PTPRD: variants seen among roughly 807,000 people sequenced by gnomAD.
PTPRD encodes the protein protein tyrosine phosphatase receptor type D.
Under a neutral mutation model 214.5 loss-of-function variants are expected in PTPRD, and 34 were observed. The observed-to-expected ratio is 0.16, with a 90% CI of 0.12 to 0.21. The LOEUF (loss-of-function observed/expected upper bound fraction) is 0.21, where lower values mean the gene tolerates loss of function less well. Ranked by LOEUF, PTPRD falls within the 10% of genes least tolerant of loss-of-function variation. The pLI is 1.00. For missense variants in PTPRD, 2,545 were observed against 2,398.7 expected (o/e 1.06, Z -1.27); for synonymous variants, 1,128 against 845.7 (o/e 1.33, Z -5.79).
intron 4 of PTPRD, among the ~76,000 whole-genome samples, chr9:10,016,744 A>G (rs1254313672): frequency 6.6e-6 from 1 of 151,022 alleles, no homozygotes; most frequent in East Asian, 2.0e-4. Context: ...GGCTCACTGC[A>G]TCCTCGATCT....
chr9:8,659,782 C>T (rs1037532600), intron 12 of PTPRD, among the ~76,000 whole-genome samples: 11 of 152,118 alleles, frequency 7.2e-5, no homozygotes, highest in African/African-American at 2.7e-4. Flanking sequence ...AAATTTTCTA[C>T]CTATGGTTTT....
At chr9:9,247,196 G>A (rs1216507308) in intron 9 of PTPRD, among the ~76,000 whole-genome samples, 1 of 151,996 alleles carries the variant, frequency 6.6e-6, no homozygotes, top group Non-Finnish European at 1.5e-5. Flanking sequence ...CATTCCAGAA[G>A]GGGTCCTTCC....
At chr9:9,887,456 T>C (rs549358074) in intron 5 of PTPRD, among the ~76,000 whole-genome samples, 3 of 152,238 alleles carry the variant, frequency 2.0e-5, no homozygotes, top group Admixed American at 2.0e-4. Flanking sequence ...TAAAAAAACA[T>C]GATGCATAAT....
Position 8,484,195 on chromosome 9 carries a change from C to T in PTPRD, c.3337G>A (p.Ala1113Thr), listed in dbSNP as rs2096950177. 1.2e-6 allele frequency: 2 copies of T among 1,614,160 alleles called. No homozygotes were observed. Among genetic ancestry groups the T allele is most frequent in the Non-Finnish European group, 1.7e-6 (2 of 1,180,030 alleles). Residue 1113 changes from alanine to threonine, a missense_variant, in exon 30 of 46, where the codon GCC (alanine) becomes ACC (threonine). Coordinates refer to ENST00000381196, the MANE Select transcript of PTPRD (RefSeq NM_002839.4). ...TCCAAGTTGGTCTTCCCAATGAAGG[C>T]AGGCTTGGTACGTAATACATCTGGT... ...TAPDVLRTKP[A>T]FIGKTNLDGM...
intron 8 of PTPRD, among the ~76,000 whole-genome samples, chr9:9,440,835 A>G (rs1345223703): frequency 1.3e-5 from 2 of 152,188 alleles, no homozygotes; most frequent in Admixed American, 6.5e-5. Context: ...ATGATTCATG[A>G]TTATGTTTAG....
At chr9:8,534,695 C>G (rs1056451487) in intron 14 of PTPRD, among the ~76,000 whole-genome samples, 4 of 151,372 alleles carry the variant, frequency 2.6e-5, no homozygotes, top group African/African-American at 9.7e-5. Flanking sequence ...CATATATGGA[C>G]TTTTTCACGT....
rs1403105128 is a variant in PTPRD, at chr9:10,593,243, C to T, written c.-600+19155G>A. On this transcript the variant is annotated intron_variant, in intron 2 of 45. Coordinates refer to ENST00000381196, the MANE Select transcript of PTPRD (RefSeq NM_002839.4). ...TGTTAAATAATGGCGATAATTCAAACAGTCTGGGGTCAGGCCTGAGCTTTT... is the reference window on the plus strand; with the variant it reads ...TGTTAAATAATGGCGATAATTCAAATAGTCTGGGGTCAGGCCTGAGCTTTT... Among the ~76,000 whole-genome samples the T allele has an allele frequency of 3.9e-5, 6 of 152,090 alleles. No individual in the cohort carries two copies. In the East Asian group the frequency reaches 1.2e-3, roughly 30 times the overall value.
At chr9:8,756,967 CCT>C (rs2094036319) in intron 11 of PTPRD, among the ~76,000 whole-genome samples, 1 of 151,894 alleles carries the variant, frequency 6.6e-6, no homozygotes, top group Non-Finnish European at 1.5e-5. Context: ...GTGGTGAAAC[CCT>C]GTCTCTACTA....
intron 11 of PTPRD, among the ~76,000 whole-genome samples, chr9:8,946,656 C>G (rs946369977): frequency 6.6e-6 from 1 of 152,054 alleles, no homozygotes; most frequent in African/African-American, 2.4e-5. Flanking sequence ...GGGCCAAGGA[C>G]CAGGGAGTGC....
chr9:10,461,543 A>T (rs897923975), intron 2 of PTPRD, among the ~76,000 whole-genome samples: 3 of 151,970 alleles, frequency 2.0e-5, no homozygotes, highest in African/African-American at 7.2e-5. Context: ...ATATGAATGG[A>T]CCTAGAGGAT....
intron 17 of PTPRD, among the ~76,000 whole-genome samples, chr9:8,525,375 G>C (rs1253026897): frequency 3.3e-5 from 5 of 151,998 alleles, no homozygotes; most frequent in Non-Finnish European, 5.9e-5. Flanking sequence ...TAAAACAAAA[G>C]ATTAATTTTT....
At chr9:10,066,722 G>A (rs968714950) in intron 3 of PTPRD, among the ~76,000 whole-genome samples, 1 of 151,834 alleles carries the variant, frequency 6.6e-6, no homozygotes, top group African/African-American at 2.4e-5. Context: ...ACTCAGAGCA[G>A]TACACACTCT....
intron 33 of PTPRD, among the ~76,000 whole-genome samples, chr9:8,455,495 G>A (rs140946202): frequency 1.3e-5 from 2 of 152,266 alleles, no homozygotes; most frequent in African/African-American, 4.8e-5. Context: ...AAAGTTTTCA[G>A]TGAGTTCCCA....
At chr9:9,953,188 T>C (rs2093608307) in intron 4 of PTPRD, among the ~76,000 whole-genome samples, 2 of 152,130 alleles carry the variant, frequency 1.3e-5, no homozygotes, top group Non-Finnish European at 1.5e-5. Context: ...TGCAGATATG[T>C]GGTTAACATT....
chr9:9,152,536 T>C (rs2099877682), intron 10 of PTPRD, among the ~76,000 whole-genome samples: 1 of 151,908 alleles, frequency 6.6e-6, no homozygotes, highest in Non-Finnish European at 1.5e-5. Flanking sequence ...GACAAATATG[T>C]AAGAAAGAAT....
chr9:8,792,085 T>C (rs1281132716), intron 11 of PTPRD, among the ~76,000 whole-genome samples: 1 of 152,204 alleles, frequency 6.6e-6, no homozygotes, highest in Non-Finnish European at 1.5e-5. Context: ...AGTTCGTTTT[T>C]AGACAACGTC....
intron 8 of PTPRD, among the ~76,000 whole-genome samples, chr9:9,487,538 T>C (rs966005794): frequency 1.3e-5 from 2 of 149,376 alleles, no homozygotes; most frequent in East Asian, 2.0e-4. Flanking sequence ...CATGTGTCTT[T>C]ATAGCAGCAT....
At chr9:9,410,441 T>G (rs1334599221) in intron 8 of PTPRD, among the ~76,000 whole-genome samples, 1 of 152,212 alleles carries the variant, frequency 6.6e-6, no homozygotes, top group Non-Finnish European at 1.5e-5. Context: ...CCAGCTTACA[T>G]TGGATCCTTT....
chr9:10,230,120 T>C (rs990331260), intron 3 of PTPRD, among the ~76,000 whole-genome samples: 13 of 152,036 alleles, frequency 8.6e-5, no homozygotes, highest in African/African-American at 3.1e-4. Flanking sequence ...ATAGTCAGTA[T>C]ATTCAGCATC....
Sources: gnomAD v4.1 joint callset for allele counts (sites outside exome capture counted in the v4.1 genomes callset) on GRCh38, gnomAD v4.1.1 for gene constraint, MANE v1.5 for transcripts, NCBI Gene and HGNC (gene_info 2026-07-23, HGNC 2026-07-21) for gene names.